The following LGR4 variants were observed in gnomAD, a reference collection of about 807,000 sequenced individuals.
LGR4 encodes leucine-rich repeat-containing G protein-coupled receptor 4.
In LGR4, 44 loss-of-function variants were observed where a neutral mutation model predicts 84.8. That is an observed-to-expected ratio of 0.52 (90% CI 0.41 to 0.67). The LOEUF (loss-of-function observed/expected upper bound fraction) is 0.67. Ranked by LOEUF, LGR4 falls within the 30% of genes least tolerant of loss-of-function variation. The probability of loss-of-function intolerance (pLI) is 0.00; values close to 1 mark genes in which losing one functional copy is unlikely to be tolerated. For missense variants in LGR4, 1,032 were observed against 1,131.4 expected, an observed-to-expected ratio of 0.91 and a Z score of 1.26; for synonymous variants, 429 against 434.3, an observed-to-expected ratio of 0.99 and a Z score of 0.15.
Position 27,391,079 on chromosome 11 carries a change from C to T in LGR4, c.401+15G>A, listed in dbSNP as rs1313200684. On this transcript the variant is annotated intron_variant, in intron 4 of 17. Coordinates refer to ENST00000379214, the MANE Select transcript of LGR4 (RefSeq NM_018490.5). ...GTAGTCTCTTGGTGAGTCAAGAAAC[C>T]AAGAAGTTACTTACAAAGACTGCAA... 6.5e-7 allele frequency: 1 copy of T among 1,544,058 alleles called. No individual in the cohort carries two copies. The highest frequency in any genetic ancestry group is 8.9e-7 in the Non-Finnish European group (1 of 1,125,478).
chr11:27,413,762 T>TA (rs1863757675), intron 1 of LGR4, among the ~76,000 whole-genome samples: 1 of 152,120 alleles, frequency 6.6e-6, no homozygotes, highest in African/African-American at 2.4e-5. Context: ...ATTAGTATAG[T>TA]ACATATATTG....
At chr11:27,380,188 T>C (rs1156407259) in intron 10 of LGR4, 83 bp downstream of exon 10, 3 of 785,310 alleles carry the variant, frequency 3.8e-6, no homozygotes, top group Non-Finnish European at 6.4e-6. Flanking sequence ...AAACCCATCA[T>C]TGTCACTAAA....
Position 27,395,486 on chromosome 11 carries a change from C to A in LGR4, c.258-2968G>T, listed in dbSNP as rs1863373082. On this transcript the variant is annotated intron_variant, in intron 2 of 17. Coordinates refer to ENST00000379214, the MANE Select transcript of LGR4 (RefSeq NM_018490.5). ...TTTGCTTCCTTTTCCCAAATCTCTG[C>A]CCGTTTTATAAACCATGAGAAAACT... 1.3e-5 allele frequency among the ~76,000 whole-genome samples: 2 copies of A among 152,196 alleles called. 1 individual carries two copies. Among genetic ancestry groups the A allele is most frequent in the South Asian group, 4.1e-4 (2 of 4,828 alleles).
In LGR4 at chr11:27,436,345, G is replaced by GAA. The variant is rs1190967234; in HGVS notation, c.186-23486_186-23485insTT. The stretch of plus-strand genomic sequence containing the variant: ...GAAAGAAATAAAAGACAGAGAGAGA[G>GAA]AGAGAAAGAAAGAAAGAAAGAAAGA... On this transcript the variant is annotated intron_variant, in intron 1 of 17. Transcript: ENST00000379214. 3.3e-5 allele frequency among the ~76,000 whole-genome samples: 4 copies of GAA among 120,440 alleles called. No individual in the cohort carries two copies. The East Asian group carries it at 7.9e-4, about 24-fold the overall frequency. The allele number at this position is 120,440 out of a possible 152,430, so 79.0% of individuals were successfully genotyped here. A position where few individuals can be genotyped will look rare whatever the true frequency, so the allele number is the denominator to read the frequency against.
chr11:27,426,285 T>C (rs1446078685), intron 1 of LGR4, among the ~76,000 whole-genome samples: 4 of 152,182 alleles, frequency 2.6e-5, no homozygotes, highest in Non-Finnish European at 5.9e-5. Flanking sequence ...TAACTTTACA[T>C]GCAAACACAT....
At chr11:27,379,461 T>C (rs1863050424) in intron 10 of LGR4, among the ~76,000 whole-genome samples, 1 of 152,198 alleles carries the variant, frequency 6.6e-6, no homozygotes, top group Non-Finnish European at 1.5e-5. Context: ...CCTCCTCACA[T>C]TACCTGCTTA....
chr11:27,422,968 T>C (rs1863949339), intron 1 of LGR4, among the ~76,000 whole-genome samples: 1 of 152,212 alleles, frequency 6.6e-6, no homozygotes, highest in African/African-American at 2.4e-5. Flanking sequence ...TCCTGGGTTC[T>C]ATTGAGTTTT....
intron 1 of LGR4, among the ~76,000 whole-genome samples, chr11:27,433,222 T>C (rs78386188): frequency 0.036 from 5,482 of 152,196 alleles, 312 homozygotes; most frequent in African/African-American, 0.12. Flanking sequence ...TTTCTTTTTT[T>C]ATTTTTTTGA....
At chr11:27,410,504 T>C (rs1317081305) in intron 2 of LGR4, among the ~76,000 whole-genome samples, 1 of 152,132 alleles carries the variant, frequency 6.6e-6, no homozygotes, top group Non-Finnish European at 1.5e-5. Context: ...GACTTCCAGA[T>C]GACTCCTAGA....
chr11:27,404,704 AT>A (rs1447789077), intron 2 of LGR4, among the ~76,000 whole-genome samples: 3 of 152,164 alleles, frequency 2.0e-5, no homozygotes, highest in Admixed American at 1.3e-4. Context: ...AGTCTGGCCA[AT>A]CAGGATCCCC....
intron 1 of LGR4, among the ~76,000 whole-genome samples, chr11:27,435,725 T>G (rs1864195458): frequency 6.6e-6 from 1 of 151,722 alleles, no homozygotes; most frequent in African/African-American, 2.4e-5. Context: ...TGACCTCAAG[T>G]GATCCTCCCA....
At chr11:27,419,920 G>T (rs1433282656) in intron 1 of LGR4, among the ~76,000 whole-genome samples, 1 of 152,046 alleles carries the variant, frequency 6.6e-6, no homozygotes. Context: ...GGTGGCAACA[G>T]TTGGGGGGTG....
chr11:27,417,343 TAAAA>T (rs961108735), intron 1 of LGR4, among the ~76,000 whole-genome samples: 2 of 151,738 alleles, frequency 1.3e-5, no homozygotes, highest in African/African-American at 4.8e-5. Context: ...TAGAAATAAA[TAAAA>T]AAAACTCTCC....
chr11:27,388,208 C>G (rs541218631), intron 4 of LGR4, among the ~76,000 whole-genome samples: 18 of 152,184 alleles, frequency 1.2e-4, no homozygotes, highest in African/African-American at 4.1e-4. Context: ...AATGGTTAAT[C>G]CTTATCTCTC....
At chr11:27,379,003 G>C (rs1364518124) in intron 10 of LGR4, 1 of 508,556 alleles carries the variant, frequency 2.0e-6, no homozygotes. Flanking sequence ...TACTGGGCTT[G>C]ATTTCCCACA....
At position 27,418,227 on chromosome 11, in the gene LGR4, CTG is replaced by C. The variant is rs758622740; in HGVS notation, c.186-5369_186-5368del. 2.0e-5 allele frequency among the ~76,000 whole-genome samples: 3 copies of C among 152,298 alleles called. No individual in the cohort carries two copies. In the South Asian group the frequency reaches 6.2e-4, roughly 32 times the overall value. ...TGTTGCAACATTCAATTAAATTTAA[CTG>C]TTTTCAAATTGCATTATTTCATTTT... On this transcript the variant is annotated intron_variant, in intron 1 of 17. Transcript: ENST00000379214.
At chr11:27,460,361 A>G (rs1313314184) in intron 1 of LGR4, among the ~76,000 whole-genome samples, 1 of 152,190 alleles carries the variant, frequency 6.6e-6, no homozygotes, top group Non-Finnish European at 1.5e-5. Context: ...GAAGATAAAC[A>G]TAAAGGCAGG....
At chr11:27,444,853 C>T (rs115814229) in intron 1 of LGR4, among the ~76,000 whole-genome samples, 1 of 152,158 alleles carries the variant, frequency 6.6e-6, no homozygotes, top group Non-Finnish European at 1.5e-5. Flanking sequence ...TCACAAGTAT[C>T]CTGAGTGACA....
chr11:27,390,974 A>G (rs778452779), intron 4 of LGR4, 120 bp downstream of exon 4: 1 of 623,844 alleles, frequency 1.6e-6, no homozygotes, highest in East Asian at 2.9e-5. Flanking sequence ...TTGACTAGCT[A>G]TCTCTGTTTT....
Sources: allele counts gnomAD v4.1 joint callset (sites outside exome capture counted in the v4.1 genomes callset), GRCh38; gene constraint gnomAD v4.1.1; transcripts MANE v1.5; gene names NCBI Gene and HGNC (gene_info 2026-07-23, HGNC 2026-07-21).